SBF2: variants seen among roughly 807,000 people sequenced by gnomAD.
The protein encoded by SBF2 is SET binding factor 2.
Under a neutral mutation model 225.2 loss-of-function variants are expected in SBF2, and 112 were observed. The observed-to-expected ratio is 0.50, with a 90% confidence interval of 0.43 to 0.58. The LOEUF (loss-of-function observed/expected upper bound fraction) is 0.58. SBF2 is among the 20% of genes least tolerant of loss of function. The pLI is 0.00. For missense variants in SBF2, 1,996 were observed against 2,206.2 expected (o/e 0.90, Z 1.91); for synonymous variants, 763 against 773.3 (o/e 0.99, Z 0.22).
intron 1 of SBF2, among the ~76,000 whole-genome samples, chr11:10,286,549 G>A (rs1241140355): frequency 2.0e-5 from 3 of 151,944 alleles, no homozygotes; most frequent in Non-Finnish European, 4.4e-5. Flanking sequence ...TAGGAGAGAC[G>A]GGGTTTCACC....
intron 2 of SBF2, among the ~76,000 whole-genome samples, chr11:10,125,581 T>C (rs1283251252): frequency 6.6e-6 from 1 of 152,216 alleles, no homozygotes; most frequent in Non-Finnish European, 1.5e-5. Context: ...ATTGTAAATA[T>C]AGAATACAGT....
chr11:10,068,900 A>G (rs1419354188), intron 2 of SBF2, among the ~76,000 whole-genome samples: 1 of 152,190 alleles, frequency 6.6e-6, no homozygotes, highest in Non-Finnish European at 1.5e-5. Flanking sequence ...GAAAGCCCAA[A>G]CAATACAGAA....
At chr11:10,168,074 GT>G (rs542069453) in intron 2 of SBF2, among the ~76,000 whole-genome samples, 1 of 152,054 alleles carries the variant, frequency 6.6e-6, no homozygotes, top group African/African-American at 2.4e-5. Context: ...CTGTTTTACT[GT>G]TTTTTTACAG....
At chr11:10,183,850 G>A (rs554886501) in intron 2 of SBF2, among the ~76,000 whole-genome samples, 41 of 152,274 alleles carry the variant, frequency 2.7e-4, no homozygotes, top group Admixed American at 2.7e-3. Context: ...ATGTGGGGAG[G>A]GAAGGAAAGG....
At chr11:10,256,092 T>C (rs1172246194) in intron 1 of SBF2, among the ~76,000 whole-genome samples, 2 of 152,146 alleles carry the variant, frequency 1.3e-5, no homozygotes, top group Non-Finnish European at 2.9e-5. Context: ...TAAAGAAAAT[T>C]TAGTATAAGA....
chr11:10,178,401 C>G (rs1956565511), intron 2 of SBF2, among the ~76,000 whole-genome samples: 1 of 142,314 alleles, frequency 7.0e-6, no homozygotes, highest in Non-Finnish European at 1.5e-5. Flanking sequence ...TCAGAGTGAA[C>G]AGGCAACCTA....
intron 16 of SBF2, among the ~76,000 whole-genome samples, chr11:9,934,802 A>G (rs1179034145): frequency 6.6e-6 from 1 of 152,240 alleles, no homozygotes; most frequent in Non-Finnish European, 1.5e-5. Flanking sequence ...GACGGAACGT[A>G]CCTCAAAATA....
At chr11:10,109,700 A>G (rs1402644908) in intron 2 of SBF2, among the ~76,000 whole-genome samples, 2 of 152,100 alleles carry the variant, frequency 1.3e-5, no homozygotes, top group African/African-American at 4.8e-5. Flanking sequence ...GCCACATAAC[A>G]TTATGTACTA....
At chr11:10,254,638 G>T (rs989764298) in intron 1 of SBF2, among the ~76,000 whole-genome samples, 1 of 151,378 alleles carries the variant, frequency 6.6e-6, no homozygotes, top group Non-Finnish European at 1.5e-5. Flanking sequence ...GGGCACCGAG[G>T]CTCACGCCTG....
chr11:9,867,103 C>T (rs1007668522), intron 17 of SBF2, among the ~76,000 whole-genome samples: 19 of 152,050 alleles, frequency 1.2e-4, no homozygotes, highest in African/African-American at 4.1e-4. Context: ...TTTAATTGTA[C>T]ATTTAAAAAT....
At chr11:10,046,640 A>C (rs2134695359) in intron 2 of SBF2, among the ~76,000 whole-genome samples, 2 of 152,098 alleles carry the variant, frequency 1.3e-5, no homozygotes, top group East Asian at 3.9e-4. Flanking sequence ...ATCTTTTAAA[A>C]AAAAAAAACT....
rs182397668 is a variant in SBF2 at position 10,138,423 on chromosome 11, T to C, written c.141+55479A>G. 7.2e-5 allele frequency among the ~76,000 whole-genome samples: 11 copies of C among 152,302 alleles called. No individual in the cohort carries two copies. The East Asian group carries it at 2.1e-3, about 29-fold the overall frequency. ...ATCCCCTCAAAGAGCCAACTGTGTG[T>C]TTCATTGATTTTTCTCTAGTTTTCA... On this transcript the variant is annotated intron_variant, in intron 2 of 39. Coordinates refer to ENST00000256190, the MANE Select transcript of SBF2 (RefSeq NM_030962.4).
chr11:9,942,833 T>A (rs1865335050), intron 16 of SBF2, among the ~76,000 whole-genome samples: 1 of 139,064 alleles, frequency 7.2e-6, no homozygotes, highest in Non-Finnish European at 1.5e-5. Context: ...AGTAAGACCC[T>A]GTCTCAAAAA....
Position 9,964,333 on chromosome 11 carries a change from T to C in SBF2, c.1601-451A>G, listed in dbSNP as rs534079259. ...AGAGCATTGAAAGTATTCCATATCA[T>C]TATTTTGATTACATGTTCCAGTGTT... On this transcript the variant is annotated intron_variant, in intron 14 of 39. Coordinates refer to ENST00000256190, the MANE Select transcript of SBF2 (RefSeq NM_030962.4). Among the ~76,000 whole-genome samples, 579 of 152,326 alleles carry C rather than the reference T, an allele frequency of 3.8e-3. 4 individuals are homozygous for C. The highest frequency in any genetic ancestry group is 5.4e-3 in the South Asian group (26 of 4,830).
chr11:9,851,787 A>C lies in SBF2; in HGVS notation c.2610+889T>G, dbSNP rs181568564. ...AATTTACCTATTTATTTATTTATTT[A>C]TGAGACTGGGTCTTGCTCTGTCACC... On this transcript the variant is annotated intron_variant, in intron 21 of 39. Coordinates refer to ENST00000256190, the MANE Select transcript of SBF2 (RefSeq NM_030962.4). Among the ~76,000 whole-genome samples the C allele has an allele frequency of 4.2e-3, 641 of 152,168 alleles. 6 individuals are homozygous for C. Among genetic ancestry groups the C allele is most frequent in the African/African-American group, 0.015 (610 of 41,510 alleles).
At chr11:9,957,014 A>G (rs1026348174) in intron 16 of SBF2, 3 of 152,172 alleles carry the variant, frequency 2.0e-5, no homozygotes, top group Admixed American at 1.3e-4. Flanking sequence ...CTAAACTTCT[A>G]TTTTGTTTTT....
chr11:10,278,125 C>T (rs1342191239), intron 1 of SBF2, among the ~76,000 whole-genome samples: 1 of 152,160 alleles, frequency 6.6e-6, no homozygotes, highest in Non-Finnish European at 1.5e-5. Context: ...TACTCTAGAT[C>T]AATCTATACT....
intron 16 of SBF2, chr11:9,928,903 T>C (rs990006491): frequency 7.8e-6 from 3 of 385,790 alleles, no homozygotes; most frequent in Non-Finnish European, 1.5e-5. Flanking sequence ...ATGAAAATGA[T>C]GTTAGATAAA....
chr11:10,139,605 T>G (rs914786181), intron 2 of SBF2, among the ~76,000 whole-genome samples: 15 of 152,200 alleles, frequency 9.9e-5, no homozygotes, highest in Admixed American at 5.9e-4. Flanking sequence ...AGATTTTACT[T>G]TTACATTTTC....
Sources: gnomAD v4.1 joint callset for allele counts (sites outside exome capture counted in the v4.1 genomes callset) on GRCh38, gnomAD v4.1.1 for gene constraint, MANE v1.5 for transcripts, NCBI Gene and HGNC (gene_info 2026-07-23, HGNC 2026-07-21) for gene names.